Variants in ZCCHC7 observed in about 807,000 individuals in gnomAD.
The protein encoded by ZCCHC7 is zinc finger CCHC domain-containing protein 7.
In ZCCHC7, 35 loss-of-function variants were observed where a neutral mutation model predicts 52.0. That is an observed-to-expected ratio of 0.67 (90% CI 0.51 to 0.89). ZCCHC7 has a LOEUF of 0.89. ZCCHC7 is among the 40% of genes least tolerant of loss of function. ZCCHC7 has a pLI of 0.00. For missense variants in ZCCHC7, 574 were observed against 649.1 expected (o/e 0.88, Z 1.26); for synonymous variants, 217 against 221.5 (o/e 0.98, Z 0.18).
intron 2 of ZCCHC7, among the ~76,000 whole-genome samples, chr9:37,212,503 T>G (rs752657401): frequency 3.3e-5 from 5 of 152,204 alleles, no homozygotes; most frequent in South Asian, 2.1e-4. Context: ...TAGCTTGCTT[T>G]CTTTTTCTCT....
chr9:37,357,786 T>G lies in ZCCHC7; in HGVS notation c.*518T>G, dbSNP rs927703041. 4 of 152,154 alleles carry G rather than the reference T, an allele frequency of 2.6e-5. No individual in the cohort carries two copies. The highest frequency in any genetic ancestry group is 9.7e-5 in the African/African-American group (4 of 41,406). The allele number at this position is 152,154 out of a possible 1,614,324, so 9.4% of individuals were successfully genotyped here. ...TTCCTTTGGACAAAACATCACTAGC[T>G]GACTATAAAAACAAAAGTGTCATCA... On this transcript the variant is annotated 3_prime_UTR_variant, in exon 9 of 9. Transcript: ENST00000336755.
chr9:37,159,509 A>G (rs1298512023), intron 2 of ZCCHC7, among the ~76,000 whole-genome samples: 1 of 152,196 alleles, frequency 6.6e-6, no homozygotes, highest in African/African-American at 2.4e-5. Context: ...AGCAGAGAGG[A>G]GGTGACAAAC....
At chr9:37,153,159 T>TATTG (rs141538496) in intron 2 of ZCCHC7, among the ~76,000 whole-genome samples, 266 of 151,726 alleles carry the variant, frequency 1.8e-3, no homozygotes, top group African/African-American at 5.7e-3. Context: ...TTACTATTAT[T>TATTG]ATTGATTGAT....
intron 2 of ZCCHC7, among the ~76,000 whole-genome samples, chr9:37,220,282 T>A (rs946255692): frequency 1.3e-5 from 2 of 152,194 alleles, no homozygotes; most frequent in Non-Finnish European, 2.9e-5. Flanking sequence ...GGCTCATGCC[T>A]GTAATCCCAG....
At position 37,293,588 on chromosome 9, in the gene ZCCHC7, C is replaced by G. The variant is rs73450432; in HGVS notation, c.611-8600C>G. Reference sequence around the variant, plus strand: ...TTTGTGGACAGTTGGAGGTGGGGAACAGGCATCCATAGTCAGTATATTTAA... The same window carrying G: ...TTTGTGGACAGTTGGAGGTGGGGAAGAGGCATCCATAGTCAGTATATTTAA... On this transcript the variant is annotated intron_variant, in intron 2 of 8. Transcript: ENST00000336755. Among the ~76,000 whole-genome samples the G allele has an allele frequency of 4.3e-3, 657 of 152,216 alleles. 3 individuals carry two copies. Among genetic ancestry groups the G allele is most frequent in the African/African-American group, 0.015 (629 of 41,544 alleles).
rs377555624 is a variant in ZCCHC7 at position 37,192,343 on chromosome 9, A to G, written c.610+65401A>G. 2.9e-3 allele frequency among the ~76,000 whole-genome samples: 437 copies of G among 152,236 alleles called. 3 individuals are homozygous for G. The highest frequency in any genetic ancestry group is 9.9e-3 in the African/African-American group (412 of 41,542). ...AATTAGTAACTATTATTTTTCTTTC[A>G]TTTTACCCTTTGAGCCATATTGAAT... On this transcript the variant is annotated intron_variant, in intron 2 of 8. Coordinates refer to ENST00000336755, the MANE Select transcript of ZCCHC7 (RefSeq NM_032226.3).
chr9:37,215,041 T>C (rs1824431140), intron 2 of ZCCHC7, among the ~76,000 whole-genome samples: 1 of 152,104 alleles, frequency 6.6e-6, no homozygotes, highest in Admixed American at 6.5e-5. Flanking sequence ...TATGAAACCT[T>C]TTATTACAAA....
At chr9:37,241,718 G>A (rs962050813) in intron 2 of ZCCHC7, among the ~76,000 whole-genome samples, 1 of 151,740 alleles carries the variant, frequency 6.6e-6, no homozygotes, top group Non-Finnish European at 1.5e-5. Context: ...ATGGTAACCT[G>A]CTTTCTATAG....
At chr9:37,150,651 A>C (rs1820466284) in intron 2 of ZCCHC7, among the ~76,000 whole-genome samples, 1 of 152,200 alleles carries the variant, frequency 6.6e-6, no homozygotes, top group Non-Finnish European at 1.5e-5. Context: ...TATAAATGTA[A>C]ATCTTTTCTA....
chr9:37,230,999 ATCTC>A (rs1236484508), intron 2 of ZCCHC7, among the ~76,000 whole-genome samples: 1 of 152,088 alleles, frequency 6.6e-6, no homozygotes, highest in South Asian at 2.1e-4. Flanking sequence ...CAGTGGTGTG[ATCTC>A]TCTCGGCTCA....
At chr9:37,292,501 T>C (rs900160475) in intron 2 of ZCCHC7, among the ~76,000 whole-genome samples, 32 of 152,134 alleles carry the variant, frequency 2.1e-4, no homozygotes, top group African/African-American at 7.5e-4. Flanking sequence ...ATTATATAAA[T>C]TGAATATAAA....
chr9:37,135,201 A>G (rs929877233), intron 2 of ZCCHC7, among the ~76,000 whole-genome samples: 1 of 152,222 alleles, frequency 6.6e-6, no homozygotes, highest in Non-Finnish European at 1.5e-5. Flanking sequence ...AGCTGGGCAC[A>G]TTAGGCATGT....
At chr9:37,232,763 T>TA (rs1825467432) in intron 2 of ZCCHC7, among the ~76,000 whole-genome samples, 2 of 152,328 alleles carry the variant, frequency 1.3e-5, no homozygotes, top group South Asian at 4.1e-4. Flanking sequence ...CATAAAGAGA[T>TA]AAAGAAATAT....
intron 2 of ZCCHC7, among the ~76,000 whole-genome samples, chr9:37,152,366 G>A (rs950852293): frequency 9.2e-5 from 14 of 151,936 alleles, no homozygotes; most frequent in African/African-American, 3.4e-4. Flanking sequence ...GGCTACATTT[G>A]TCAAAATTAA....
chr9:37,145,034 C>T (rs1325880544), intron 2 of ZCCHC7: 1 of 151,890 alleles, frequency 6.6e-6, no homozygotes, highest in East Asian at 1.9e-4. Context: ...TGGTTATTAA[C>T]AGGATTAAAT....
chr9:37,217,108 A>T (rs145788373), intron 2 of ZCCHC7, among the ~76,000 whole-genome samples: 1 of 152,266 alleles, frequency 6.6e-6, no homozygotes, highest in Non-Finnish European at 1.5e-5. Context: ...AGAGAAGCTG[A>T]TGAGAATTCT....
chr9:37,199,324 CTTCT>C (rs1823465377), intron 2 of ZCCHC7, among the ~76,000 whole-genome samples: 1 of 137,786 alleles, frequency 7.3e-6, no homozygotes, highest in African/African-American at 2.8e-5. Context: ...TCTTTTCTTT[CTTCT>C]TTTTTTTTTT....
chr9:37,226,780 C>G (rs1386188472), intron 2 of ZCCHC7, among the ~76,000 whole-genome samples: 1 of 152,044 alleles, frequency 6.6e-6, no homozygotes, highest in African/African-American at 2.4e-5. Context: ...CCTGTAATCC[C>G]AGCACTTTGA....
intron 2 of ZCCHC7, among the ~76,000 whole-genome samples, chr9:37,200,869 G>A (rs1284838355): frequency 2.6e-5 from 4 of 152,172 alleles, no homozygotes; most frequent in Non-Finnish European, 4.4e-5. Context: ...AAATGCATGT[G>A]TTTTAACTGG....
Sources: allele counts gnomAD v4.1 joint callset (sites outside exome capture counted in the v4.1 genomes callset), GRCh38; gene constraint gnomAD v4.1.1; transcripts MANE v1.5; gene names NCBI Gene and HGNC (gene_info 2026-07-23, HGNC 2026-07-21).